Variants in PRSS12 observed in about 807,000 individuals in gnomAD.
PRSS12 encodes serine protease 12.
PRSS12 carries 85 observed loss-of-function variants against 104.4 expected under a neutral mutation model. That is an observed-to-expected ratio of 0.81 (90% CI 0.68 to 0.98). PRSS12 has a LOEUF of 0.98. Ranked by LOEUF, PRSS12 falls within the 50% of genes least tolerant of loss-of-function variation. The pLI is 0.00. For synonymous variants in PRSS12, 454 were observed against 425.2 expected, an observed-to-expected ratio of 1.07 and a Z score of -0.83; for missense variants, 1,141 against 1,139.2, an observed-to-expected ratio of 1.00 and a Z score of -0.02.
intron 1 of PRSS12, among the ~76,000 whole-genome samples, chr4:118,347,450 A>C (rs1429517712): frequency 4.6e-5 from 7 of 152,170 alleles, no homozygotes; most frequent in Non-Finnish European, 1.0e-4. Context: ...ACAAGACAAA[A>C]AGTCAGATCT....
intron 1 of PRSS12, among the ~76,000 whole-genome samples, chr4:118,349,998 T>C (rs957256429): frequency 3.3e-5 from 5 of 151,910 alleles, no homozygotes; most frequent in African/African-American, 7.3e-5. Context: ...CGAAGACCCT[T>C]GTCAAAAAAT....
At chr4:118,320,736 C>G (rs1422056360) in intron 4 of PRSS12, among the ~76,000 whole-genome samples, 13 of 151,956 alleles carry the variant, frequency 8.6e-5, no homozygotes, top group Admixed American at 6.6e-5. Flanking sequence ...CTGGGTGACA[C>G]AGAGAAATCC....
At chr4:118,288,667 A>T (rs1262739988) in intron 11 of PRSS12, among the ~76,000 whole-genome samples, 1 of 152,236 alleles carries the variant, frequency 6.6e-6, no homozygotes, top group East Asian at 1.9e-4. Flanking sequence ...TAAGCAATTA[A>T]AAGAAATTAA....
At position 118,352,791 on chromosome 4, in the gene PRSS12, C is replaced by T; in HGVS notation, c.-71G>A. 2 of 1,370,080 alleles carry T rather than the reference C, an allele frequency of 1.5e-6. No individual in the cohort carries two copies. Among genetic ancestry groups the T allele is most frequent in the South Asian group, 1.2e-5 (1 of 82,618 alleles). The allele number at this position is 1,370,080 out of a possible 1,614,324, so 84.9% of individuals were successfully genotyped here. On this transcript the variant is annotated 5_prime_UTR_variant, in exon 1 of 13. Transcript: ENST00000296498. ...GCTTGGAGCGGAGAAGAGGAGGGGG[C>T]GGGGGCGGGGCTGCCGCGTCCCTCG...
chr4:118,317,401 T>C (rs1035465987), intron 5 of PRSS12, among the ~76,000 whole-genome samples: 2 of 152,188 alleles, frequency 1.3e-5, no homozygotes, highest in African/African-American at 4.8e-5. Flanking sequence ...GGTCATACTT[T>C]TCATAAATCT....
Position 118,352,881 on chromosome 4 carries a change from C to G in PRSS12, c.-161G>C. 7.1e-7 allele frequency: 1 copy of G among 1,416,270 alleles called. No individual in the cohort carries two copies. The allele number at this position is 1,416,270 out of a possible 1,614,324, so 87.7% of individuals were successfully genotyped here. A position where few individuals can be genotyped will look rare whatever the true frequency, so the allele number is the denominator to read the frequency against. ...CTCGCCTCCCCAACCTTGCCTCCCG[C>G]CGCTGGTGCCCTGCCGCGCCTCGGC... is the stretch of plus-strand genomic sequence containing the variant. On this transcript the variant is annotated 5_prime_UTR_variant, in exon 1 of 13. Transcript: ENST00000296498.
At chr4:118,334,691 C>T (rs569376244) in intron 3 of PRSS12, among the ~76,000 whole-genome samples, 98 of 152,118 alleles carry the variant, frequency 6.4e-4, no homozygotes, top group Non-Finnish European at 1.3e-3. Flanking sequence ...CTTATTCTTC[C>T]CCCTGATACT....
rs1358912923 is a variant in PRSS12 at position 118,316,235 on chromosome 4, A to G, written c.1239T>C (p.Asp413=). 8 of 1,614,150 alleles carry G rather than the reference A, an allele frequency of 5.0e-6. No homozygotes were observed. Among genetic ancestry groups the G allele is most frequent in the Non-Finnish European group, 2.5e-6 (3 of 1,180,014 alleles). Residue 413 remains aspartate, a synonymous_variant, in exon 6 of 13, where the codon GAT becomes GAC. Transcript: ENST00000296498. The part of the protein sequence containing the change: ...YYRGQWGTVC[D]DGWTELNTYV... ...ATGTATTCAGCTCAGTCCAGCCATC[A>G]TCACAGACAGTTCCCCACTGGCCTC...
At chr4:118,315,731 G>C (rs933260065) in intron 6 of PRSS12, among the ~76,000 whole-genome samples, 6 of 152,170 alleles carry the variant, frequency 3.9e-5, no homozygotes, top group Non-Finnish European at 8.8e-5. Flanking sequence ...CCTAACAAGA[G>C]GGCTGTTTTT....
At chr4:118,312,549 T>G (rs1191625629) in intron 7 of PRSS12, among the ~76,000 whole-genome samples, 1 of 152,128 alleles carries the variant, frequency 6.6e-6, no homozygotes, top group African/African-American at 2.4e-5. Flanking sequence ...CAAGAGGATC[T>G]TTATCTATAA....
intron 8 of PRSS12, among the ~76,000 whole-genome samples, chr4:118,301,738 CTGTT>C (rs1743411495): frequency 1.3e-5 from 2 of 152,170 alleles, no homozygotes; most frequent in South Asian, 4.1e-4. Context: ...TTCTACAGAT[CTGTT>C]TTTCTTTTTA....
chr4:118,281,943 TTGG>T lies in PRSS12; in HGVS notation c.2618_2620del (p.Thr873del), dbSNP rs762443507. The stretch of plus-strand genomic sequence containing the variant: ...TGAAGTTTCCATGAAGAATTACAGT[TTGG>T]TGACACTTTTTATCCAAGGTACAAA... On this transcript the variant is annotated inframe_deletion, in exon 13 of 13. Coordinates refer to ENST00000296498, the MANE Select transcript of PRSS12 (RefSeq NM_003619.4). 5 of 1,275,112 alleles carry T rather than the reference TTGG, an allele frequency of 3.9e-6. No homozygotes were observed. The highest frequency in any genetic ancestry group is 1.5e-5 in the African/African-American group (1 of 68,216). The allele number at this position is 1,275,112 out of a possible 1,614,324, so 79.0% of individuals were successfully genotyped here. A position where few individuals can be genotyped will look rare whatever the true frequency, so the allele number is the denominator to read the frequency against.
chr4:118,297,639 C>G (rs1235815135), intron 9 of PRSS12, among the ~76,000 whole-genome samples: 1 of 152,070 alleles, frequency 6.6e-6, no homozygotes, highest in Non-Finnish European at 1.5e-5. Flanking sequence ...ATCCAATTCA[C>G]TTATTGCATT....
chr4:118,294,201 A>G (rs1367609936), intron 11 of PRSS12, among the ~76,000 whole-genome samples: 2 of 152,244 alleles, frequency 1.3e-5, no homozygotes, highest in Non-Finnish European at 2.9e-5. Context: ...ACACAAAATT[A>G]AAATAGTACA....
At chr4:118,341,331 A>C (rs1350240452) in intron 1 of PRSS12, among the ~76,000 whole-genome samples, 2 of 152,140 alleles carry the variant, frequency 1.3e-5, no homozygotes, top group Non-Finnish European at 2.9e-5. Flanking sequence ...TTCTGGCTTT[A>C]TTTTGTTATT....
At chr4:118,337,410 T>C (rs1724088218) in intron 2 of PRSS12, among the ~76,000 whole-genome samples, 1 of 152,184 alleles carries the variant, frequency 6.6e-6, no homozygotes, top group Non-Finnish European at 1.5e-5. Context: ...AAACCTGTTG[T>C]CCCAAAAAGA....
chr4:118,295,546 T>C lies in PRSS12; in HGVS notation c.1916+232A>G, dbSNP rs894918686. On this transcript the variant is annotated intron_variant, in intron 10 of 12. Transcript: ENST00000296498. Reference sequence around the variant, plus strand: ...CTGTTAAATTATTTTGTTTCTGCCATATAACTTTTCAGCAACACATCTAAT... The same window carrying C: ...CTGTTAAATTATTTTGTTTCTGCCACATAACTTTTCAGCAACACATCTAAT... Among the ~76,000 whole-genome samples the C allele has an allele frequency of 2.6e-5, 4 of 152,224 alleles. No individual in the cohort carries two copies. The East Asian group carries it at 5.8e-4, about 22-fold the overall frequency.
At chr4:118,304,157 C>T (rs1743473144) in intron 8 of PRSS12, among the ~76,000 whole-genome samples, 2 of 151,438 alleles carry the variant, frequency 1.3e-5, no homozygotes, top group Admixed American at 6.6e-5. Flanking sequence ...TATATGCATA[C>T]ATGTGTATAT....
At chr4:118,301,610 G>C (rs562556497) in intron 8 of PRSS12, among the ~76,000 whole-genome samples, 2 of 152,000 alleles carry the variant, frequency 1.3e-5, no homozygotes, top group African/African-American at 4.8e-5. Context: ...TCAGGATTGC[G>C]GTACATCTCT....
Sources: gnomAD v4.1 joint callset for allele counts (sites outside exome capture counted in the v4.1 genomes callset) on GRCh38, gnomAD v4.1.1 for gene constraint, MANE v1.5 for transcripts, NCBI Gene and HGNC (gene_info 2026-07-23, HGNC 2026-07-21) for gene names.